RNF11: variants seen among roughly 807,000 people sequenced by gnomAD.
RNF11 encodes ring finger protein 11.
A neutral mutation model predicts 15.8 loss-of-function variants in RNF11; 4 were observed. The observed-to-expected ratio is 0.25, with a 90% CI of 0.12 to 0.58. RNF11 has a LOEUF of 0.58. RNF11 is among the 20% of genes least tolerant of loss of function. The pLI, the probability that RNF11 is intolerant of heterozygous loss-of-function variation, is 0.91. For synonymous variants in RNF11, 68 were observed against 72.3 expected (o/e 0.94, Z 0.30); for missense variants, 139 against 194.4 (o/e 0.71, Z 1.70).
chr1:51,264,350 AAGAT>A (rs1487938435), intron 1 of RNF11, among the ~76,000 whole-genome samples: 2 of 139,310 alleles, frequency 1.4e-5, no homozygotes, highest in African/African-American at 5.3e-5. Flanking sequence ...ATTTATCAGG[AAGAT>A]AGATGTGATG....
chr1:51,253,336 G>A (rs751673382), intron 1 of RNF11, among the ~76,000 whole-genome samples: 13 of 151,942 alleles, frequency 8.6e-5, no homozygotes, highest in Non-Finnish European at 1.5e-4. Context: ...ACCAGCCTGG[G>A]CAGAATACTG....
intron 1 of RNF11, among the ~76,000 whole-genome samples, chr1:51,260,041 T>G (rs1214380697): frequency 6.6e-6 from 1 of 152,224 alleles, no homozygotes; most frequent in Non-Finnish European, 1.5e-5. Context: ...TGGTGTTAGG[T>G]CCTATGAATT....
At chr1:51,247,299 G>A (rs1011627226) in intron 1 of RNF11, among the ~76,000 whole-genome samples, 2 of 151,980 alleles carry the variant, frequency 1.3e-5, no homozygotes, top group East Asian at 1.9e-4. Context: ...CACTACAGCC[G>A]CAAACTCTTG....
intron 1 of RNF11, among the ~76,000 whole-genome samples, chr1:51,258,955 A>G (rs1162356231): frequency 6.6e-6 from 1 of 152,152 alleles, no homozygotes; most frequent in Non-Finnish European, 1.5e-5. Context: ...CCCCATTTTC[A>G]TGTGACAACT....
chr1:51,252,650 G>A (rs983936230), intron 1 of RNF11, among the ~76,000 whole-genome samples: 18 of 152,094 alleles, frequency 1.2e-4, no homozygotes, highest in African/African-American at 3.9e-4. Context: ...GTTTGCGACT[G>A]CACTGGGGGT....
At chr1:51,264,173 C>G (rs1223863285) in intron 1 of RNF11, among the ~76,000 whole-genome samples, 2 of 145,648 alleles carry the variant, frequency 1.4e-5, no homozygotes, top group African/African-American at 5.1e-5. Flanking sequence ...GGGAGGATCA[C>G]TTGAGCCCGG....
intron 1 of RNF11, chr1:51,250,724 G>A (rs1646873484): frequency 3.8e-6 from 5 of 1,325,392 alleles, no homozygotes; most frequent in Admixed American, 1.7e-5. Flanking sequence ...AGAGGTCGGG[G>A]GTCAGGTAGC....
rs573897164 is a variant in RNF11, at chr1:51,251,482, T to G, written c.123+14603T>G. On this transcript the variant is annotated intron_variant, in intron 1 of 2. Coordinates refer to ENST00000242719, the MANE Select transcript of RNF11 (RefSeq NM_014372.5). ...TGGTGTCATCCACCATTTGGTGTTTTCTCGGAGAAGAAAGGATTTGTGACA... is the reference window on the plus strand; with the variant it reads ...TGGTGTCATCCACCATTTGGTGTTTGCTCGGAGAAGAAAGGATTTGTGACA... The G allele has an allele frequency of 5.2e-5, 32 of 611,870 alleles. No homozygotes were observed. The East Asian group carries it at 8.5e-4, about 16-fold the overall frequency. 37.9% of individuals were successfully genotyped at this position (611,870 alleles called of 1,614,324 possible).
At chr1:51,248,013 G>A (rs1428582658) in intron 1 of RNF11, among the ~76,000 whole-genome samples, 9 of 151,336 alleles carry the variant, frequency 5.9e-5, no homozygotes, top group Non-Finnish European at 1.0e-4. Context: ...CCTTATTTTT[G>A]TGGAAGAAAA....
At chr1:51,258,640 A>G (rs1646915898) in intron 1 of RNF11, among the ~76,000 whole-genome samples, 1 of 152,236 alleles carries the variant, frequency 6.6e-6, no homozygotes, top group Admixed American at 6.5e-5. Flanking sequence ...CATATGTATA[A>G]CATCTCTTTT....
At chr1:51,257,380 A>C (rs1244765382) in intron 1 of RNF11, among the ~76,000 whole-genome samples, 1 of 152,236 alleles carries the variant, frequency 6.6e-6, no homozygotes, top group African/African-American at 2.4e-5. Flanking sequence ...GGTAAAATTC[A>C]CAAAAGTGTG....
rs922881862 is a variant in RNF11, at chr1:51,252,469, G to C, written c.123+15590G>C. On this transcript the variant is annotated intron_variant, in intron 1 of 2. Transcript: ENST00000242719. ...GTTTCTATAAAAAATACAAAAATTA[G>C]CTGGATGTGGTGGCGGGCACCTATA... Among the ~76,000 whole-genome samples, 3 of 152,188 alleles carry C rather than the reference G, an allele frequency of 2.0e-5. No individual in the cohort carries two copies. The South Asian group carries it at 6.2e-4, about 32-fold the overall frequency.
chr1:51,264,287 A>AAAAAATATATAT (rs1557682286), intron 1 of RNF11, among the ~76,000 whole-genome samples: 2 of 32,522 alleles, frequency 6.1e-5, no homozygotes, highest in African/African-American at 2.1e-4. Context: ...AAAAAAAAAA[A>AAAAAATATATAT]ATATATATAT....
intron 1 of RNF11, among the ~76,000 whole-genome samples, chr1:51,244,373 G>T (rs545947481): frequency 6.6e-6 from 1 of 151,760 alleles, no homozygotes; most frequent in Non-Finnish European, 1.5e-5. Context: ...TATATTTTTT[G>T]AATTTGTTTT....
At chr1:51,264,287 A>AAATATATAT (rs1557682286) in intron 1 of RNF11, among the ~76,000 whole-genome samples, 4 of 32,532 alleles carry the variant, frequency 1.2e-4, no homozygotes, top group African/African-American at 2.1e-4. Context: ...AAAAAAAAAA[A>AAATATATAT]ATATATATAT....
At chr1:51,249,168 T>C (rs775215268) in intron 1 of RNF11, among the ~76,000 whole-genome samples, 2 of 152,208 alleles carry the variant, frequency 1.3e-5, no homozygotes, top group Non-Finnish European at 2.9e-5. Context: ...TGTGTAATTT[T>C]GTACAGTAAA....
At chr1:51,247,908 G>A (rs1007998967) in intron 1 of RNF11, among the ~76,000 whole-genome samples, 5 of 152,084 alleles carry the variant, frequency 3.3e-5, no homozygotes, top group Non-Finnish European at 7.4e-5. Context: ...AAAATTTTCT[G>A]AACACTCATA....
chr1:51,251,956 G>A (rs184994900), intron 1 of RNF11, among the ~76,000 whole-genome samples: 12 of 151,814 alleles, frequency 7.9e-5, no homozygotes, highest in Middle Eastern at 3.4e-3. Context: ...GTGCATGCCT[G>A]TAATCTCAGC....
chr1:51,255,195 T>C (rs889171847), intron 1 of RNF11, among the ~76,000 whole-genome samples: 5 of 152,358 alleles, frequency 3.3e-5, no homozygotes, highest in African/African-American at 1.2e-4. Context: ...TATCATGCAA[T>C]GTGTACATTA....
Sources: gnomAD v4.1 joint callset for allele counts (sites outside exome capture counted in the v4.1 genomes callset) on GRCh38, gnomAD v4.1.1 for gene constraint, MANE v1.5 for transcripts, NCBI Gene and HGNC (gene_info 2026-07-23, HGNC 2026-07-21) for gene names.